Variants in CHRM5 observed in about 807,000 individuals in gnomAD.
CHRM5 encodes the protein cholinergic receptor muscarinic 5.
A neutral mutation model predicts 39.0 loss-of-function variants in CHRM5; 18 were observed. That is an observed-to-expected ratio of 0.46 (90% confidence interval 0.32 to 0.68). The LOEUF is 0.68. Among genes scored for constraint, CHRM5 ranks in the 30% least tolerant of loss-of-function variants. The pLI is 0.04. For missense variants in CHRM5, 515 were observed against 651.1 expected, an observed-to-expected ratio of 0.79 and a Z score of 2.28; for synonymous variants, 241 against 246.3, an observed-to-expected ratio of 0.98 and a Z score of 0.20.
chr15:34,037,083 T>G (rs1396997010), intron 1 of CHRM5, among the ~76,000 whole-genome samples: 1 of 150,030 alleles, frequency 6.7e-6, no homozygotes, highest in African/African-American at 2.5e-5. Context: ...CACTCCAGCC[T>G]GGGCAACAAG....
intron 1 of CHRM5, among the ~76,000 whole-genome samples, chr15:34,020,900 T>C (rs555072775): frequency 6.6e-6 from 1 of 152,364 alleles, no homozygotes; most frequent in African/African-American, 2.4e-5. Flanking sequence ...ACCAAAATTC[T>C]CTTCCTTTTA....
At chr15:33,976,467 C>T (rs1680617076) in intron 1 of CHRM5, among the ~76,000 whole-genome samples, 2 of 34,914 alleles carry the variant, frequency 5.7e-5, no homozygotes, top group South Asian at 4.4e-3. Context: ...TATTACACAG[C>T]TTTAATATAA....
In CHRM5 at chr15:34,006,611, G is replaced by A. The variant is rs79455123; in HGVS notation, c.-408+37461G>A. Among the ~76,000 whole-genome samples the A allele has an allele frequency of 9.9e-3, 1,507 of 152,288 alleles. 34 individuals carry two copies. Among genetic ancestry groups the A allele is most frequent in the African/African-American group, 0.035 (1,439 of 41,552 alleles). On this transcript the variant is annotated intron_variant, in intron 1 of 2. Coordinates refer to ENST00000383263, the MANE Select transcript of CHRM5 (RefSeq NM_012125.4). ...AAACAAGCACTGAAATGGAAAGTGG[G>A]AGACCTAAACCGAATTAATGGTCCT...
chr15:34,008,475 T>C (rs1223797334), intron 1 of CHRM5, among the ~76,000 whole-genome samples: 1 of 146,446 alleles, frequency 6.8e-6, no homozygotes, highest in Non-Finnish European at 1.5e-5. Flanking sequence ...CCAAAGTTGA[T>C]GAAAAACCTT....
intron 1 of CHRM5, among the ~76,000 whole-genome samples, chr15:34,031,629 T>G (rs1898832670): frequency 6.6e-6 from 1 of 152,190 alleles, no homozygotes; most frequent in Admixed American, 6.5e-5. Flanking sequence ...ATTCCATTAA[T>G]CTCCTATTTT....
chr15:34,001,288 C>T (rs1597334261), intron 1 of CHRM5, among the ~76,000 whole-genome samples: 1 of 152,166 alleles, frequency 6.6e-6, no homozygotes, highest in East Asian at 1.9e-4. Flanking sequence ...TCCCAAAGTG[C>T]TGGGATTACA....
intron 1 of CHRM5, among the ~76,000 whole-genome samples, chr15:34,008,483 CTTTTTTTTTTTTTTTTTT>C (rs200355232): frequency 8.4e-6 from 1 of 119,232 alleles, no homozygotes; most frequent in Non-Finnish European, 1.6e-5. Context: ...GATGAAAAAC[CTTTTTTTTTTTTTTTTTT>C]TTTTTGAGAC....
At chr15:33,992,483 T>A (rs536935633) in intron 1 of CHRM5, among the ~76,000 whole-genome samples, 20 of 152,378 alleles carry the variant, frequency 1.3e-4, no homozygotes, top group Middle Eastern at 3.4e-3. Flanking sequence ...TCCTTGTTTT[T>A]ATTTTTTTGG....
chr15:34,049,005 AAAC>A (rs931679740), intron 2 of CHRM5, among the ~76,000 whole-genome samples: 34 of 152,290 alleles, frequency 2.2e-4, no homozygotes, highest in African/African-American at 7.2e-4. Flanking sequence ...AACAAACAGA[AAAC>A]AACAACATCA....
At chr15:33,979,250 G>A (rs1000033054) in intron 1 of CHRM5, among the ~76,000 whole-genome samples, 7 of 152,160 alleles carry the variant, frequency 4.6e-5, no homozygotes, top group South Asian at 4.1e-4. Context: ...GGCCAGGCAC[G>A]GTGTCCCATG....
intron 1 of CHRM5, among the ~76,000 whole-genome samples, chr15:34,022,069 C>T (rs768442093): frequency 6.6e-5 from 10 of 152,186 alleles, no homozygotes; most frequent in Non-Finnish European, 1.3e-4. Context: ...AGGACAAGTA[C>T]ATGCATTATA....
intron 1 of CHRM5, among the ~76,000 whole-genome samples, chr15:34,007,307 AT>A (rs941224631): frequency 2.0e-4 from 30 of 152,224 alleles, no homozygotes; most frequent in Admixed American, 5.2e-4. Context: ...AAATAAAAAA[AT>A]GAATCAACTT....
chr15:34,055,834 A>G (rs958207780), intron 2 of CHRM5, among the ~76,000 whole-genome samples: 84 of 152,230 alleles, frequency 5.5e-4, no homozygotes, highest in African/African-American at 1.9e-3. Context: ...AAAAATAAAC[A>G]AATAAATAAA....
At chr15:33,975,973 A>G (rs73383757) in intron 1 of CHRM5, among the ~76,000 whole-genome samples, 6,059 of 152,238 alleles carry the variant, frequency 0.04, 425 homozygotes, top group African/African-American at 0.14. Flanking sequence ...CTTGCATAAT[A>G]TTCTAGTATT....
intron 1 of CHRM5, among the ~76,000 whole-genome samples, chr15:34,016,600 T>G (rs192819455): frequency 6.6e-6 from 1 of 152,292 alleles, no homozygotes; most frequent in Admixed American, 6.5e-5. Flanking sequence ...CAACAGGAGT[T>G]TTTGATCCAG....
rs56286203 is a variant in CHRM5 at position 34,046,343 on chromosome 15, G to GAAAA, written c.-407-186_-407-183dup. On this transcript the variant is annotated intron_variant, in intron 1 of 2. Coordinates refer to ENST00000383263, the MANE Select transcript of CHRM5 (RefSeq NM_012125.4). ...GTTATTCTCCCAAAAAGTGAGGCAG[G>GAAAA]AAAAAAAAAAAAAACGGGAAAAAGA... Among the ~76,000 whole-genome samples the GAAAA allele has an allele frequency of 6.2e-4, 87 of 141,430 alleles. 1 individual carries two copies. The highest frequency in any genetic ancestry group is 7.1e-4 in the Admixed American group (10 of 14,154). The allele number at this position is 141,430 out of a possible 152,430, so 92.8% of individuals were successfully genotyped here.
chr15:34,052,133 A>T (rs1899944642), intron 2 of CHRM5, among the ~76,000 whole-genome samples: 2 of 152,208 alleles, frequency 1.3e-5, no homozygotes, highest in Non-Finnish European at 2.9e-5. Flanking sequence ...GCAGCACATC[A>T]AAAAGTTTAT....
intron 1 of CHRM5, chr15:34,003,297 A>G (rs1171505446): frequency 2.6e-6 from 3 of 1,165,258 alleles, no homozygotes; most frequent in African/African-American, 3.1e-5. Context: ...GTACATGGAC[A>G]TAACAATAAA....
intron 1 of CHRM5, among the ~76,000 whole-genome samples, chr15:34,016,138 T>A (rs1225700470): frequency 6.6e-6 from 1 of 152,164 alleles, no homozygotes; most frequent in Non-Finnish European, 1.5e-5. Context: ...TAGCTGGGCA[T>A]GGTGGTGCAC....
Sources: gnomAD v4.1 joint callset for allele counts (sites outside exome capture counted in the v4.1 genomes callset) on GRCh38, gnomAD v4.1.1 for gene constraint, MANE v1.5 for transcripts, NCBI Gene and HGNC (gene_info 2026-07-23, HGNC 2026-07-21) for gene names.